NAV2: variants seen among roughly 807,000 people sequenced by gnomAD.
The protein encoded by NAV2 is helicase, APC down-regulated 1.
A neutral mutation model predicts 223.2 loss-of-function variants in NAV2; 54 were observed. The observed-to-expected ratio is 0.24, with a 90% CI of 0.19 to 0.30. The LOEUF is 0.30. NAV2 is among the 10% of genes least tolerant of loss of function. NAV2 has a pLI of 1.00. For synonymous variants in NAV2, 1,279 were observed against 1,239.3 expected, an observed-to-expected ratio of 1.03 and a Z score of -0.67; for missense variants, 2,806 against 3,147.5, an observed-to-expected ratio of 0.89 and a Z score of 2.60.
chr11:19,687,168 G>A lies in NAV2; in HGVS notation c.76-145316G>A, dbSNP rs2049046456. On this transcript the variant is annotated intron_variant, in intron 1 of 37. Transcript: ENST00000360655. ...CTAAAATTATTATGTTCTCAATACA[G>A]CATTCTCCCTGGAACAGGGAGACAG... Among the ~76,000 whole-genome samples, 3 of 152,158 alleles carry A rather than the reference G, an allele frequency of 2.0e-5. No homozygotes were observed. The South Asian group carries it at 6.2e-4, about 32-fold the overall frequency.
At chr11:19,684,131 G>C (rs2048952137) in intron 1 of NAV2, among the ~76,000 whole-genome samples, 1 of 152,056 alleles carries the variant, frequency 6.6e-6, no homozygotes, top group African/African-American at 2.4e-5. Flanking sequence ...TGTGAAGTGG[G>C]GATAATTAGC....
rs988930253 is a variant in NAV2 at position 20,114,685 on chromosome 11, C to T, written c.7054C>T (p.Pro2352Ser). The T allele has an allele frequency of 2.5e-6, 4 of 1,614,042 alleles. No homozygotes were observed. In the African/African-American group the frequency reaches 5.3e-5, roughly 22 times the overall value. ...AASPQQHEWPPLLQLRPEDVG... is the reference protein window; with the variant it reads ...AASPQQHEWPSLLQLRPEDVG... ...CAGCCCACAACAGCACGAGTGGCCTCCCCTGCTGCAGTTACGGCCTGAGGA... is the reference window on the plus strand; with the variant it reads ...CAGCCCACAACAGCACGAGTGGCCTTCCCTGCTGCAGTTACGGCCTGAGGA... The change falls in exon 37 of 38, where the codon CCC becomes TCC. Residue 2352 changes from proline (P) to serine (S), a missense_variant. Pro to Ser is a moderately conservative substitution (Grantham distance 74, BLOSUM62 -1). This residue lies in a region of NAV2 where 824 missense variants were observed against 1,069.4 expected (regional missense o/e 0.77). Transcript: ENST00000349880.
intron 1 of NAV2, among the ~76,000 whole-genome samples, chr11:19,543,670 G>T (rs573913717): frequency 1.2e-4 from 19 of 152,300 alleles, no homozygotes; most frequent in African/African-American, 4.6e-4. Flanking sequence ...AAAAAGGAGT[G>T]AAAATACCTA....
At chr11:20,106,175 A>ATATGTGTGTGTGTGTGTGTGTG (rs11267537) in intron 35 of NAV2, among the ~76,000 whole-genome samples, 6 of 35,828 alleles carry the variant, frequency 1.7e-4, no homozygotes, top group East Asian at 1.1e-3. Flanking sequence ...ATATATATAT[A>ATATGTGTGTGTGTGTGTGTGTG]TGTGTGTGTA....
At chr11:19,806,412 C>T (rs151333263) in intron 1 of NAV2, among the ~76,000 whole-genome samples, 3 of 152,324 alleles carry the variant, frequency 2.0e-5, no homozygotes, top group Non-Finnish European at 2.9e-5. Flanking sequence ...ATCTCAAGTA[C>T]CTGCATTTCT....
intron 1 of NAV2, among the ~76,000 whole-genome samples, chr11:19,755,708 A>G (rs992597170): frequency 2.0e-5 from 3 of 152,174 alleles, no homozygotes; most frequent in African/African-American, 7.2e-5. Context: ...GTATCTTCAC[A>G]TAGCCTTGTT....
chr11:19,969,565 A>G (rs2049046711), intron 10 of NAV2, among the ~76,000 whole-genome samples: 1 of 152,186 alleles, frequency 6.6e-6, no homozygotes, highest in African/African-American at 2.4e-5. Flanking sequence ...GACTGTGCTT[A>G]ACTCTATATA....
At chr11:19,544,847 G>A (rs559011000) in intron 1 of NAV2, among the ~76,000 whole-genome samples, 281 of 152,330 alleles carry the variant, frequency 1.8e-3, no homozygotes, top group African/African-American at 6.4e-3. Context: ...CAAACTGTCT[G>A]TCAGCCTAAT....
At chr11:19,564,547 G>A (rs1294525580) in intron 1 of NAV2, among the ~76,000 whole-genome samples, 3 of 152,122 alleles carry the variant, frequency 2.0e-5, no homozygotes, top group East Asian at 1.9e-4. Context: ...TGATCTGGGC[G>A]TCGTGTTCTT....
At chr11:19,593,325 TATAGTTC>T (rs2046114416) in intron 1 of NAV2, among the ~76,000 whole-genome samples, 1 of 152,240 alleles carries the variant, frequency 6.6e-6, no homozygotes, top group African/African-American at 2.4e-5. Flanking sequence ...GTTGTCTGTC[TATAGTTC>T]ATTCCTCTGT....
chr11:19,459,267 C>A (rs1400427278), intron 1 of NAV2, among the ~76,000 whole-genome samples: 1 of 152,144 alleles, frequency 6.6e-6, no homozygotes, highest in African/African-American at 2.4e-5. Flanking sequence ...GCTTTTAAGA[C>A]CTTGTCTTTT....
chr11:19,681,853 C>T (rs1003561634), intron 1 of NAV2, among the ~76,000 whole-genome samples: 5 of 152,150 alleles, frequency 3.3e-5, no homozygotes, highest in African/African-American at 9.7e-5. Flanking sequence ...GTGGGATGTA[C>T]GTGTCAGGTG....
intron 3 of NAV2, among the ~76,000 whole-genome samples, chr11:19,861,943 T>C (rs999284687): frequency 1.3e-5 from 2 of 152,228 alleles, no homozygotes; most frequent in African/African-American, 4.8e-5. Flanking sequence ...TATGAGTATC[T>C]TTTGGGAGCC....
chr11:19,588,033 C>G (rs2045951973), intron 1 of NAV2, among the ~76,000 whole-genome samples: 2 of 152,222 alleles, frequency 1.3e-5, no homozygotes, highest in Non-Finnish European at 2.9e-5. Flanking sequence ...AGATCAGTGT[C>G]TAGCATGTAA....
intron 1 of NAV2, among the ~76,000 whole-genome samples, chr11:19,730,579 C>T (rs920616157): frequency 1.3e-5 from 2 of 152,216 alleles, no homozygotes; most frequent in African/African-American, 2.4e-5. Flanking sequence ...GCGCTTCTGA[C>T]GTGCTCCGAA....
intron 1 of NAV2, among the ~76,000 whole-genome samples, chr11:19,630,588 C>A (rs538396783): frequency 1.0e-3 from 154 of 152,258 alleles, no homozygotes; most frequent in Middle Eastern, 3.4e-3. Context: ...CAATACTACA[C>A]TTAATCAAAG....
intron 1 of NAV2, among the ~76,000 whole-genome samples, chr11:19,513,077 A>G (rs60637739): frequency 0.34 from 51,822 of 152,032 alleles, 8,856 homozygotes; most frequent in Middle Eastern, 0.39. Flanking sequence ...TGATTTCTGC[A>G]GTTGCATTTC....
chr11:19,932,170 G>C (rs2045411103), intron 6 of NAV2, among the ~76,000 whole-genome samples: 1 of 122,864 alleles, frequency 8.1e-6, no homozygotes, highest in Admixed American at 1.1e-4. Context: ...GGGAAGCCTT[G>C]ACTTTCAGAT....
chr11:19,693,876 G>A (rs1469115624), intron 1 of NAV2, among the ~76,000 whole-genome samples: 1 of 152,194 alleles, frequency 6.6e-6, no homozygotes, highest in Non-Finnish European at 1.5e-5. Flanking sequence ...TAGCTGGAGG[G>A]AGAATGTTAG....
Sources: allele counts gnomAD v4.1 joint callset (sites outside exome capture counted in the v4.1 genomes callset), GRCh38; gene constraint gnomAD v4.1.1; regional missense constraint gnomAD v4.1.1; transcripts MANE v1.5; gene names NCBI Gene and HGNC (gene_info 2026-07-23, HGNC 2026-07-21).